The following TMEM43 variants were observed in gnomAD, a reference collection of about 807,000 sequenced individuals.
The protein encoded by TMEM43 is transmembrane protein 43, also known as arrhythmogenic right ventricular dysplasia 5.
Under a neutral mutation model 49.6 loss-of-function variants are expected in TMEM43, and 45 were observed. The ratio of observed to expected loss-of-function variants is 0.91; its 90% confidence interval spans 0.71 to 1.16. The LOEUF is 1.16. Ranked by LOEUF, TMEM43 falls within the 50% of genes most tolerant of loss-of-function variation. The probability of loss-of-function intolerance (pLI) is 0.00; values close to 1 mark genes in which losing one functional copy is unlikely to be tolerated. For synonymous variants in TMEM43, 199 were observed against 207.8 expected (o/e 0.96, Z 0.36); for missense variants, 532 against 516.6 (o/e 1.03, Z -0.29).
chr3:14,142,164 C>G lies in TMEM43; in HGVS notation c.*369C>G. ...GAGGCCTGCTGATAAAGGGCTCAGC[C>G]TTGCCGTGTGCTGCTTCTCATCACT... On this transcript the variant is annotated 3_prime_UTR_variant, in exon 12 of 12. Coordinates refer to ENST00000306077, the MANE Select transcript of TMEM43 (RefSeq NM_024334.3). 3.1e-6 allele frequency: 1 copy of G among 322,488 alleles called. No individual in the cohort carries two copies. Among genetic ancestry groups the G allele is most frequent in the South Asian group, 3.0e-5 (1 of 32,996 alleles). 20.0% of individuals were successfully genotyped at this position (322,488 alleles called of 1,614,324 possible).
chr3:14,137,560 A>G (rs1392467472), intron 10 of TMEM43, among the ~76,000 whole-genome samples: 2 of 152,118 alleles, frequency 1.3e-5, no homozygotes, highest in Non-Finnish European at 2.9e-5. Flanking sequence ...TCTGCCAAGT[A>G]GAAAAAAGGC....
intron 7 of TMEM43, 75 bp downstream of exon 7, chr3:14,133,884 C>A: frequency 7.4e-7 from 1 of 1,351,670 alleles, no homozygotes; most frequent in Non-Finnish European, 1.1e-6. Context: ...TCCCAGTACT[C>A]AGCCTTCAGA....
chr3:14,135,922 C>G lies in TMEM43; in HGVS notation c.882+14C>G. On this transcript the variant is annotated intron_variant, in intron 10 of 11. Transcript: ENST00000306077. The stretch of plus-strand genomic sequence containing the variant: ...TTCTCAGCAGAGGTGAGTGCTGTGC[C>G]CTACTCGTACGGTGGAGGAACAAGC... The G allele has an allele frequency of 1.9e-6, 3 of 1,604,300 alleles. No homozygotes were observed. Among genetic ancestry groups the G allele is most frequent in the Non-Finnish European group, 2.6e-6 (3 of 1,171,054 alleles).
chr3:14,127,102 G>A (rs1339975453), intron 1 of TMEM43, among the ~76,000 whole-genome samples: 2 of 152,172 alleles, frequency 1.3e-5, no homozygotes, highest in Non-Finnish European at 2.9e-5. Flanking sequence ...GGGAGGGGAT[G>A]TGTCACTGGG....
At chr3:14,131,698 TG>T (rs1305048629) in intron 4 of TMEM43, 24 bp downstream of exon 4, 58 of 1,570,416 alleles carry the variant, frequency 3.7e-5, no homozygotes, top group Non-Finnish European at 4.9e-5. Flanking sequence ...GTGAAAACTC[TG>T]TTGGGGTAAA....
At chr3:14,128,150 T>A (rs1695043408) in intron 1 of TMEM43, among the ~76,000 whole-genome samples, 1 of 152,184 alleles carries the variant, frequency 6.6e-6, no homozygotes, top group Non-Finnish European at 1.5e-5. Flanking sequence ...CCGTAGCTGG[T>A]ATGTGGCAGA....
At chr3:14,137,437 G>C (rs900166778) in intron 10 of TMEM43, among the ~76,000 whole-genome samples, 1 of 152,204 alleles carries the variant, frequency 6.6e-6, no homozygotes, top group African/African-American at 2.4e-5. Flanking sequence ...GGAAGGCCCT[G>C]CAGTGCAGAT....
intron 10 of TMEM43, 131 bp from the exon 11 acceptor site, chr3:14,139,049 C>G (rs1478868771): frequency 9.5e-6 from 7 of 739,452 alleles, no homozygotes; most frequent in African/African-American, 1.7e-5. Flanking sequence ...GAGGCTTGCC[C>G]CCACTCCGTC....
At chr3:14,136,825 C>A (rs1459048742) in intron 10 of TMEM43, among the ~76,000 whole-genome samples, 5 of 148,802 alleles carry the variant, frequency 3.4e-5, no homozygotes, top group Non-Finnish European at 1.5e-5. Flanking sequence ...TATGCCTACC[C>A]CGGGTCCCAA....
At position 14,141,552 on chromosome 3, in the gene TMEM43, G is replaced by A. The variant is rs9874135; in HGVS notation, c.1001-41G>A. Reference sequence around the variant, plus strand: ...GAGAGATCTGCTGAGCTGGTGAGGTGTAGAGCAGGTGGCACCTCATCACCT... The same window carrying A: ...GAGAGATCTGCTGAGCTGGTGAGGTATAGAGCAGGTGGCACCTCATCACCT... On this transcript the variant is annotated intron_variant, in intron 11 of 11. Coordinates refer to ENST00000306077, the MANE Select transcript of TMEM43 (RefSeq NM_024334.3). 8,319 of 1,584,486 alleles carry A rather than the reference G, an allele frequency of 5.3e-3. 395 individuals are homozygous for A. The African/African-American group carries it at 0.095, about 18-fold the overall frequency.
chr3:14,130,448 C>A (rs1433918044), intron 2 of TMEM43, among the ~76,000 whole-genome samples: 1 of 151,700 alleles, frequency 6.6e-6, no homozygotes, highest in African/African-American at 2.4e-5. Flanking sequence ...GCAGCCTGGG[C>A]AACATAGCAA....
At chr3:14,126,921 A>G (rs1695028660) in intron 1 of TMEM43, among the ~76,000 whole-genome samples, 1 of 152,188 alleles carries the variant, frequency 6.6e-6, no homozygotes, top group Admixed American at 6.5e-5. Flanking sequence ...TCTCCACTTT[A>G]TAAGTGAGTA....
rs778405877 is a variant in TMEM43 at position 14,132,554 on chromosome 3, C to T, written c.401C>T (p.Thr134Ile). 6.2e-7 allele frequency: 1 copy of T among 1,614,128 alleles called. No homozygotes were observed. The highest frequency in any genetic ancestry group is 1.3e-5 in the African/African-American group (1 of 75,046). The change falls in exon 5 of 12, where the codon ACC becomes ATC. Residue 134 changes from threonine to isoleucine, a missense_variant. Thr to Ile is a moderately conservative substitution (Grantham distance 89, BLOSUM62 -1). Transcript: ENST00000306077. ...CTTTGCTTTCCCTGCAGGGAGTACACCGAGGATGGGCAGGTGAAGAAGGAG... is the reference window on the plus strand; with the variant it reads ...CTTTGCTTTCCCTGCAGGGAGTACATCGAGGATGGGCAGGTGAAGAAGGAG... ...WVETEESREY[T>I]EDGQVKKETR...
At chr3:14,132,689 T>A in intron 5 of TMEM43, 94 bp downstream of exon 5, 2 of 1,490,156 alleles carry the variant, frequency 1.3e-6, no homozygotes, top group South Asian at 2.3e-5. Flanking sequence ...ATGGGAAGGA[T>A]TCAGCACCAG....
rs529120571 is a variant in TMEM43, at chr3:14,136,599, C to T, written c.882+691C>T. Among the ~76,000 whole-genome samples the T allele has an allele frequency of 5.9e-5, 9 of 152,216 alleles. No homozygotes were observed. In the South Asian group the frequency reaches 1.9e-3, roughly 32 times the overall value. ...GGTTAACCCTAGAAGAATCAGTGAT[C>T]AGTCAGTTCCAGCAAGAACAGCCCA... On this transcript the variant is annotated intron_variant, in intron 10 of 11. Coordinates refer to ENST00000306077, the MANE Select transcript of TMEM43 (RefSeq NM_024334.3).
intron 11 of TMEM43, among the ~76,000 whole-genome samples, chr3:14,141,221 T>C (rs1278274286): frequency 1.3e-5 from 2 of 152,182 alleles, no homozygotes; most frequent in Non-Finnish European, 2.9e-5. Flanking sequence ...TTCAGGAGGC[T>C]CCACCCACAG....
intron 4 of TMEM43, among the ~76,000 whole-genome samples, chr3:14,132,308 G>A (rs1207707181): frequency 2.6e-5 from 4 of 152,072 alleles, no homozygotes; most frequent in East Asian, 1.9e-4. Flanking sequence ...AGGCCAGTGC[G>A]GGCAGATTTC....
At chr3:14,134,358 C>T (rs1695139291) in intron 7 of TMEM43, among the ~76,000 whole-genome samples, 1 of 152,172 alleles carries the variant, frequency 6.6e-6, no homozygotes, top group Non-Finnish European at 1.5e-5. Context: ...CCCAGATAGT[C>T]CTGGGGAGGC....
chr3:14,125,906 C>G (rs1326936560), intron 1 of TMEM43, among the ~76,000 whole-genome samples: 1 of 152,204 alleles, frequency 6.6e-6, no homozygotes, highest in Non-Finnish European at 1.5e-5. Flanking sequence ...AACATTCATT[C>G]AACAAGCAGC....
Sources: allele counts gnomAD v4.1 joint callset (sites outside exome capture counted in the v4.1 genomes callset), GRCh38; gene constraint gnomAD v4.1.1; transcripts MANE v1.5; gene names NCBI Gene and HGNC (gene_info 2026-07-23, HGNC 2026-07-21).